The following NBPF12 variants were observed in gnomAD, a reference collection of about 807,000 sequenced individuals.
NBPF12 encodes NBPF family member NBPF12.
Under a neutral mutation model 146.4 loss-of-function variants are expected in NBPF12, and 115 were observed. That is an observed-to-expected ratio of 0.79 (90% CI 0.68 to 0.92). NBPF12 has a LOEUF of 0.92. Among genes scored for constraint, NBPF12 ranks in the 40% least tolerant of loss-of-function variants. The pLI, the probability that NBPF12 is intolerant of heterozygous loss-of-function variation, is 0.00. For synonymous variants in NBPF12, 385 were observed against 508.9 expected (o/e 0.76, Z 3.28); for missense variants, 1,205 against 1,326.8 (o/e 0.91, Z 1.43).
At chr1:146,976,813 T>G in intron 16 of NBPF12, 116 bp from the exon 20 acceptor site, 1 of 562,478 alleles carries the variant, frequency 1.8e-6, no homozygotes, top group South Asian at 2.0e-5. Context: ...ACATGAGAGT[T>G]TTCAGTTGAA....
intron 4 of NBPF12, among the ~76,000 whole-genome samples, chr1:146,961,827 T>G (rs1204081001): frequency 6.6e-5 from 10 of 152,058 alleles, no homozygotes; most frequent in African/African-American, 2.2e-4. Context: ...GTGCAGTGTT[T>G]TAGAGGAGAG....
In NBPF12 at chr1:146,971,253, A is replaced by G. The variant is rs1656592874; in HGVS notation, c.1450A>G (p.Asn484Asp). Residue 484 changes from asparagine to aspartate, a missense_variant, in exon 13 of 34, where the codon AAT (asparagine) becomes GAT (aspartate). By Grantham distance (23) the Asn-to-Asp change is conservative (BLOSUM62 1). Transcript: ENST00000617844. ...GGAGGAATGTGCCATCACTTGTTCA[A>G]ATAGCCACGGCCCTTGTGACTCCAA... 2.0e-5 allele frequency: 33 copies of G among 1,612,284 alleles called. 2 individuals are homozygous for G. In the South Asian group the frequency reaches 3.3e-4, roughly 16 times the overall value.
exon 13 of NBPF12, chr1:146,971,393 A>C: frequency 1.2e-6 from 2 of 1,609,362 alleles, no homozygotes; most frequent in Non-Finnish European, 1.7e-6. Flanking sequence ...ACATTCTCCC[A>C]GGTAGCCTCT....
rs1208690800 is a variant in NBPF12, at chr1:146,962,228, G to C, written c.243G>C (p.Lys81Asn). The C allele has an allele frequency of 2.5e-6, 4 of 1,607,378 alleles. No homozygotes were observed. The African/African-American group carries it at 4.0e-5, about 16-fold the overall frequency. ...ATGAGCGACAGTTCAAGGAGGAGAAGCTTGCAGAGCAGCTGAAACAAGCTG... is the reference window on the plus strand; with the variant it reads ...ATGAGCGACAGTTCAAGGAGGAGAACCTTGCAGAGCAGCTGAAACAAGCTG... The change falls in exon 5 of 34, where the codon AAG (lysine) becomes AAC (asparagine). Residue 81 changes from lysine (K) to asparagine (N), a missense_variant. Transcript: ENST00000617844.
chr1:146,962,693 A>C (rs1433727492), intron 5 of NBPF12, among the ~76,000 whole-genome samples: 1 of 105,436 alleles, frequency 9.5e-6, no homozygotes, highest in Non-Finnish European at 2.0e-5. Context: ...CATCTTTTCA[A>C]TTCGCCCCAT....
intron 1 of NBPF12, 86 bp from the exon 5 acceptor site, chr1:146,951,262 G>T (rs1655313953): frequency 1.4e-6 from 1 of 718,158 alleles, no homozygotes; most frequent in East Asian, 2.7e-5. Context: ...GGGCATGGGG[G>T]CCCTGGGGTC....
intron 4 of NBPF12, 24 bp from the exon 8 acceptor site, chr1:146,962,137 C>G: frequency 6.2e-7 from 1 of 1,605,080 alleles, no homozygotes; most frequent in East Asian, 2.2e-5. Context: ...TCCACTGAGG[C>G]AGGCGTGTCT....
Position 146,958,018 on chromosome 1 carries a change from T to C in NBPF12, c.-183-1841T>C, listed in dbSNP as rs1320813509. Among the ~76,000 whole-genome samples, 2 of 119,138 alleles carry C rather than the reference T, an allele frequency of 1.7e-5. 1 individual carries two copies. The highest frequency in any genetic ancestry group is 5.9e-4 in the East Asian group (2 of 3,416). 78.2% of individuals were successfully genotyped at this position (119,138 alleles called of 152,430 possible). On this transcript the variant is annotated intron_variant, in intron 2 of 33. Transcript: ENST00000617844. ...ATATATATACATGTGTATATATAAA[T>C]AATACATATACACGTGTATATATAT...
intron 8 of NBPF12, among the ~76,000 whole-genome samples, chr1:146,965,751 C>T (rs1281331539): frequency 7.5e-6 from 1 of 133,134 alleles, no homozygotes; most frequent in Non-Finnish European, 1.5e-5. Flanking sequence ...GAGATTGTGG[C>T]ACTGCACTCC....
rs1274390799 is a variant in NBPF12, at chr1:146,978,645, G to A, written c.2399-314G>A. On this transcript the variant is annotated intron_variant, in intron 18 of 33. Coordinates refer to ENST00000617844, the Ensembl canonical transcript of NBPF12. ...CCTGGTGATATAAGTCCGTATTGCAGCAACATTCTTAGAAAATTGTTTGAC... is the reference window on the plus strand; with the variant it reads ...CCTGGTGATATAAGTCCGTATTGCAACAACATTCTTAGAAAATTGTTTGAC... Among the ~76,000 whole-genome samples the A allele has an allele frequency of 1.1e-3, 168 of 151,590 alleles. 7 individuals are homozygous for A. Among genetic ancestry groups the A allele is most frequent in the African/African-American group, 3.8e-3 (155 of 41,196 alleles).
chr1:146,972,999 G>A (rs1553886837), intron 14 of NBPF12, 39 bp downstream of exon 17: 118 of 874,636 alleles, frequency 1.3e-4, no homozygotes, highest in Non-Finnish European at 1.9e-4. Context: ...AGTGATGAAC[G>A]AAGTCCTGTC....
At chr1:146,979,922 G>C (rs1418094007) in intron 19 of NBPF12, among the ~76,000 whole-genome samples, 3 of 95,794 alleles carry the variant, frequency 3.1e-5, no homozygotes, top group South Asian at 8.4e-4. Flanking sequence ...GGGTGTTAAA[G>C]TCTCCCATGA....
intron 5 of NBPF12, among the ~76,000 whole-genome samples, 162 bp from the exon 9 acceptor site, chr1:146,962,933 T>C (rs2101850268): frequency 6.6e-6 from 1 of 151,234 alleles, no homozygotes; most frequent in East Asian, 1.9e-4. Context: ...CTGTAGACCA[T>C]TTTCTGTTCT....
At chr1:146,938,400 G>A (rs1474718476), upstream of NBPF12, among the ~76,000 whole-genome samples, 3 of 152,116 alleles carry the variant, frequency 2.0e-5, no homozygotes, top group African/African-American at 7.3e-5. Flanking sequence ...GCTTCCGAGG[G>A]GGTGTGTCTC....
intron 6 of NBPF12, 150 bp from the exon 10 acceptor site, chr1:146,964,207 T>C (rs1656043963): frequency 4.7e-6 from 6 of 1,277,348 alleles, no homozygotes; most frequent in Admixed American, 1.9e-5. Flanking sequence ...CAGGAAACCA[T>C]GCCAGAGCAT....
intron 8 of NBPF12, among the ~76,000 whole-genome samples, chr1:146,965,442 C>G (rs1656124437): frequency 1.4e-5 from 2 of 147,506 alleles, no homozygotes; most frequent in South Asian, 4.3e-4. Context: ...CACCCTCATT[C>G]ACTTCTGTCA....
rs1185399956 is a variant in NBPF12 at position 146,954,900 on chromosome 1, CGTGTGT to C, written c.-184+3428_-184+3433del. 4.6e-4 allele frequency among the ~76,000 whole-genome samples: 51 copies of C among 110,970 alleles called. 1 individual carries two copies. The highest frequency in any genetic ancestry group is 1.2e-3 in the African/African-American group (36 of 30,832). 72.8% of individuals were successfully genotyped at this position (110,970 alleles called of 152,430 possible). On this transcript the variant is annotated intron_variant, in intron 2 of 33. Transcript: ENST00000617844. ...ACACACCCACACACACACACACAAA[CGTGTGT>C]GTGTGTGTGTGTGTGTATATATATA...
intron 19 of NBPF12, among the ~76,000 whole-genome samples, chr1:146,980,240 C>A (rs1260527807): frequency 0.25 from 37,554 of 151,842 alleles, 5,118 homozygotes; most frequent in South Asian, 0.47. Flanking sequence ...CTGAGTACAG[C>A]GCACCGATGG....
At chr1:146,976,940 G>T in exon 17 of NBPF12, 2 of 709,236 alleles carry the variant, frequency 2.8e-6, no homozygotes, top group Non-Finnish European at 5.0e-6. Context: ...AAATGATAAC[G>T]ATGACGATGA....
Sources: gnomAD v4.1 joint callset for allele counts (sites outside exome capture counted in the v4.1 genomes callset) on GRCh38, gnomAD v4.1.1 for gene constraint, MANE v1.5 for transcripts, NCBI Gene and HGNC (gene_info 2026-07-23, HGNC 2026-07-21) for gene names.